Variants in PCNT observed in about 807,000 individuals in gnomAD.
PCNT encodes the protein kendrin.
In PCNT, 319 loss-of-function variants were observed where a neutral mutation model predicts 380.4. The ratio of observed to expected loss-of-function variants is 0.84; its 90% CI spans 0.77 to 0.92. The LOEUF (loss-of-function observed/expected upper bound fraction) is 0.92. Among genes scored for constraint, PCNT ranks in the 40% least tolerant of loss-of-function variants. The pLI, the probability that PCNT is intolerant of heterozygous loss-of-function variation, is 0.00. For synonymous variants in PCNT, 1,845 were observed against 1,735.2 expected (o/e 1.06, Z -1.57); for missense variants, 4,400 against 4,255.3 (o/e 1.03, Z -0.95).
chr21:46,402,372 C>G lies in PCNT; in HGVS notation c.5004C>G (p.Asp1668Glu). ...AACAGCTAGAAAAGATGAAAGGTGA[C>G]TTAGAAAGTAAAAATGAAGAAATAC... ...LKEQLEKMKG[D>E]LESKNEEILH... The change falls in exon 27 of 47, where the codon GAC (aspartate) becomes GAG (glutamate). Residue 1668 changes from aspartate (D) to glutamate (E), a missense_variant. Physicochemically the swap from Asp to Glu is conservative, Grantham distance 45. Transcript: ENST00000359568. The G allele has an allele frequency of 1.2e-6, 2 of 1,611,558 alleles. No homozygotes were observed. Among genetic ancestry groups the G allele is most frequent in the Non-Finnish European group, 1.7e-6 (2 of 1,177,758 alleles).
chr21:46,391,400 G>A, intron 21 of PCNT, 24 bp downstream of exon 21: 3 of 1,536,906 alleles, frequency 2.0e-6, no homozygotes, highest in Non-Finnish European at 2.6e-6. Flanking sequence ...GCTGTGGAGG[G>A]TGGTGCGAGC....
At chr21:46,344,387 T>A (rs1404897052) in intron 3 of PCNT, among the ~76,000 whole-genome samples, 2 of 152,172 alleles carry the variant, frequency 1.3e-5, no homozygotes, top group African/African-American at 2.4e-5. Context: ...GCTCCTGACA[T>A]TGAAGGGAGA....
At chr21:46,441,163 A>G (rs2148096898) in intron 43 of PCNT, 79 bp downstream of exon 43, 1 of 893,136 alleles carries the variant, frequency 1.1e-6, no homozygotes, top group Non-Finnish European at 1.9e-6. Context: ...TTTTTTGGTC[A>G]TTTTATTCCT....
rs2083665131 is a variant in PCNT, at chr21:46,334,476, A to G, written c.347A>G (p.Gln116Arg). 1 of 1,614,116 alleles carries G rather than the reference A, an allele frequency of 6.2e-7. No homozygotes were observed. Among genetic ancestry groups the G allele is most frequent in the African/African-American group, 1.3e-5 (1 of 74,958 alleles). ...QKQVNDHPPEQCGMFTVSDHP... is the reference protein window; with the variant it reads ...QKQVNDHPPERCGMFTVSDHP... Reference sequence around the variant, plus strand: ...CAAGTCAATGACCATCCTCCAGAGCAGTGTGGGATGTTCACAGTCAGTGAC... The same window carrying G: ...CAAGTCAATGACCATCCTCCAGAGCGGTGTGGGATGTTCACAGTCAGTGAC... The change falls in exon 3 of 47, where the codon CAG becomes CGG. Residue 116 changes from glutamine (Q) to arginine (R), a missense_variant. Physicochemically the swap from Gln to Arg is conservative, Grantham distance 43. Transcript: ENST00000359568.
intron 21 of PCNT, 144 bp downstream of exon 21, chr21:46,391,520 T>C: frequency 1.4e-6 from 1 of 705,464 alleles, no homozygotes. Flanking sequence ...ACACTGGGCA[T>C]GGGAAGCTTG....
At chr21:46,420,829 C>CA (rs1317376164) in intron 31 of PCNT, 1 of 152,270 alleles carries the variant, frequency 6.6e-6, no homozygotes. Flanking sequence ...CCTTCACCCT[C>CA]AGAGATTTCT....
At chr21:46,435,258 A>T (rs1419984457) in intron 38 of PCNT, among the ~76,000 whole-genome samples, 5 of 151,542 alleles carry the variant, frequency 3.3e-5, no homozygotes, top group Admixed American at 6.6e-5. Flanking sequence ...ATGGAGTCTC[A>T]CTCTGTCGCC....
At chr21:46,440,224 T>C (rs2053571045) in intron 42 of PCNT, 22 bp downstream of exon 42, 1 of 1,613,296 alleles carries the variant, frequency 6.2e-7, no homozygotes, top group South Asian at 1.1e-5. Flanking sequence ...GCCACGAGTA[T>C]AGAACTTTGG....
At chr21:46,371,503 C>T (rs1169040238) in intron 15 of PCNT, among the ~76,000 whole-genome samples, 1 of 152,162 alleles carries the variant, frequency 6.6e-6, no homozygotes, top group Non-Finnish European at 1.5e-5. Flanking sequence ...TAGTTACTTA[C>T]TTTTTCAGTT....
Position 46,388,942 on chromosome 21 carries a change from G to T in PCNT, c.3607+58G>T. 2 of 1,542,732 alleles carry T rather than the reference G, an allele frequency of 1.3e-6. No individual in the cohort carries two copies. Among genetic ancestry groups the T allele is most frequent in the African/African-American group, 1.4e-5 (1 of 73,652 alleles). ...TGCTTGCAGCCCCTCTGTGGTCCTGGAGCTCTCTGAGAGGAGCCTCCGTAT... is the reference window on the plus strand; with the variant it reads ...TGCTTGCAGCCCCTCTGTGGTCCTGTAGCTCTCTGAGAGGAGCCTCCGTAT... On this transcript the variant is annotated intron_variant, in intron 18 of 46. Coordinates refer to ENST00000359568, the MANE Select transcript of PCNT (RefSeq NM_006031.6). This position sits in a 1 kb window ranked among gnomAD's most constrained non-coding sequence, Gnocchi z 4.2.
At chr21:46,350,669 C>G (rs1044764353) in intron 8 of PCNT, among the ~76,000 whole-genome samples, 9 of 152,036 alleles carry the variant, frequency 5.9e-5, no homozygotes, top group Non-Finnish European at 1.5e-5. Context: ...TGTCCTGGGC[C>G]CCTTGTGTCT....
intron 8 of PCNT, among the ~76,000 whole-genome samples, chr21:46,350,492 C>T (rs2084227035): frequency 6.6e-6 from 1 of 152,142 alleles, no homozygotes; most frequent in African/African-American, 2.4e-5. Flanking sequence ...GTTGATGTGG[C>T]CAGGTCCTCA....
intron 21 of PCNT, chr21:46,394,366 C>T (rs2086137707): frequency 5.7e-6 from 1 of 175,520 alleles, no homozygotes; most frequent in South Asian, 1.9e-4. Flanking sequence ...ATGGTGGGCG[C>T]TGAGTCTGGA....
intron 34 of PCNT, among the ~76,000 whole-genome samples, 184 bp downstream of exon 34, chr21:46,427,979 T>C (rs929923586): frequency 6.6e-6 from 1 of 152,232 alleles, no homozygotes; most frequent in African/African-American, 2.4e-5. Context: ...CTTTTCCACC[T>C]GCAGCTGTAA....
intron 21 of PCNT, among the ~76,000 whole-genome samples, chr21:46,391,744 T>C (rs1307063175): frequency 6.6e-6 from 1 of 152,254 alleles, no homozygotes; most frequent in Non-Finnish European, 1.5e-5. Flanking sequence ...ATATTAACCC[T>C]CATTAGGAAA....
intron 15 of PCNT, among the ~76,000 whole-genome samples, chr21:46,370,761 C>T (rs890174448): frequency 4.6e-5 from 7 of 152,098 alleles, no homozygotes; most frequent in Non-Finnish European, 8.8e-5. Context: ...ATCGGCCGGG[C>T]GCGGTGGCTC....
intron 41 of PCNT, among the ~76,000 whole-genome samples, chr21:46,439,339 T>C (rs1214446319): frequency 6.6e-6 from 1 of 152,094 alleles, no homozygotes; most frequent in East Asian, 1.9e-4. Context: ...TTTTTCACTT[T>C]TTGGGTTTTT....
chr21:46,326,532 C>G lies in PCNT; in HGVS notation c.210C>G (p.Cys70Trp). 1 of 1,614,146 alleles carries G rather than the reference C, an allele frequency of 6.2e-7. No homozygotes were observed. Among genetic ancestry groups the G allele is most frequent in the Non-Finnish European group, 8.5e-7 (1 of 1,180,026 alleles). ...CACTCTGTGGAGGAGGGGACATTTG[C>G]AAAAGCACATCATGTGACGACACCC... Reference protein sequence around the residue: ...DSALCGGGDICKSTSCDDTPD... With the variant: ...DSALCGGGDIWKSTSCDDTPD... Residue 70 changes from cysteine to tryptophan, a missense_variant, in exon 2 of 47, where the codon TGC becomes TGG. By Grantham distance (215) the Cys-to-Trp change is radical. Transcript: ENST00000359568.
intron 34 of PCNT, 151 bp downstream of exon 34, chr21:46,427,946 C>T: frequency 1.2e-6 from 1 of 828,544 alleles, no homozygotes; most frequent in Non-Finnish European, 1.9e-6. Flanking sequence ...GGTGTTGACG[C>T]TCAGTCCATG....
Sources: gnomAD v4.1 joint callset for allele counts (sites outside exome capture counted in the v4.1 genomes callset) on GRCh38, gnomAD v4.1.1 for gene constraint, Gnocchi (gnomAD v3.1) non-coding constraint, MANE v1.5 for transcripts, NCBI Gene and HGNC (gene_info 2026-07-23, HGNC 2026-07-21) for gene names.